Variants in CACNA2D3 observed in about 807,000 individuals in gnomAD.
CACNA2D3 encodes the protein voltage-dependent calcium channel subunit alpha-2/delta-3.
CACNA2D3 carries 60 observed loss-of-function variants against 160.6 expected under a neutral mutation model. The observed-to-expected ratio is 0.37, with a 90% CI of 0.30 to 0.46. The LOEUF is 0.46. Among genes scored for constraint, CACNA2D3 ranks in the 20% least tolerant of loss-of-function variants. The pLI, the probability that CACNA2D3 is intolerant of heterozygous loss-of-function variation, is 1.00. For missense variants in CACNA2D3, 1,205 were observed against 1,365.0 expected, an observed-to-expected ratio of 0.88 and a Z score of 1.85; for synonymous variants, 558 against 492.9, an observed-to-expected ratio of 1.13 and a Z score of -1.75.
At chr3:54,359,298 C>A (rs774988227) in intron 3 of CACNA2D3, among the ~76,000 whole-genome samples, 8 of 152,116 alleles carry the variant, frequency 5.3e-5, no homozygotes, top group Non-Finnish European at 8.8e-5. Context: ...AAACAAAGGT[C>A]TGGGAGATAA....
intron 9 of CACNA2D3, among the ~76,000 whole-genome samples, chr3:54,624,514 C>G (rs1202699274): frequency 6.6e-6 from 1 of 152,056 alleles, no homozygotes; most frequent in Non-Finnish European, 1.5e-5. Context: ...CCCAGCTACT[C>G]TGGAGGCTGA....
At chr3:54,564,119 G>A (rs1220416924) in intron 6 of CACNA2D3, among the ~76,000 whole-genome samples, 2 of 152,188 alleles carry the variant, frequency 1.3e-5, no homozygotes, top group Non-Finnish European at 2.9e-5. Flanking sequence ...GAGCCTAGGG[G>A]AGAGGTTCCT....
intron 4 of CACNA2D3, among the ~76,000 whole-genome samples, chr3:54,412,567 T>C (rs1300351592): frequency 6.6e-6 from 1 of 151,108 alleles, no homozygotes; most frequent in Non-Finnish European, 1.5e-5. Context: ...GTATCTTTTT[T>C]CTGTACCTTT....
intron 8 of CACNA2D3, among the ~76,000 whole-genome samples, chr3:54,576,121 C>G (rs538935414): frequency 2.0e-5 from 3 of 152,174 alleles, no homozygotes; most frequent in Admixed American, 6.5e-5. Context: ...CGAAGCCGGT[C>G]CCTGCTTAGA....
chr3:54,785,210 T>C (rs1702613400), intron 13 of CACNA2D3, among the ~76,000 whole-genome samples: 1 of 152,208 alleles, frequency 6.6e-6, no homozygotes, highest in Non-Finnish European at 1.5e-5. Context: ...CTGCCAAATG[T>C]TCAATAGGTT....
chr3:54,287,350 G>A (rs1703059142), intron 2 of CACNA2D3, among the ~76,000 whole-genome samples: 1 of 152,038 alleles, frequency 6.6e-6, no homozygotes, highest in South Asian at 2.1e-4. Flanking sequence ...TAATGGTAAA[G>A]GGATCAATTC....
At chr3:54,576,724 G>A (rs1182151879) in intron 8 of CACNA2D3, among the ~76,000 whole-genome samples, 3 of 152,126 alleles carry the variant, frequency 2.0e-5, no homozygotes, top group African/African-American at 7.2e-5. Context: ...TCACAAATAA[G>A]CACTATTTGT....
intron 5 of CACNA2D3, among the ~76,000 whole-genome samples, chr3:54,532,529 A>G (rs1701821413): frequency 6.6e-6 from 1 of 152,164 alleles, no homozygotes; most frequent in South Asian, 2.1e-4. Context: ...TTTAGCTATC[A>G]TTTGTAAATG....
intron 4 of CACNA2D3, among the ~76,000 whole-genome samples, chr3:54,474,585 G>A (rs1231168866): frequency 6.6e-6 from 1 of 151,950 alleles, no homozygotes; most frequent in Non-Finnish European, 1.5e-5. Flanking sequence ...CACCTGGCAT[G>A]CAAGTACTTA....
chr3:54,459,841 C>T (rs938838379), intron 4 of CACNA2D3, among the ~76,000 whole-genome samples: 2 of 152,084 alleles, frequency 1.3e-5, no homozygotes, highest in African/African-American at 4.8e-5. Flanking sequence ...ACATGAAGTC[C>T]TTGCCCATGC....
intron 27 of CACNA2D3, among the ~76,000 whole-genome samples, chr3:54,916,688 C>A (rs1010393003): frequency 6.6e-6 from 1 of 152,116 alleles, no homozygotes; most frequent in Non-Finnish European, 1.5e-5. Flanking sequence ...CCGTGTGAGA[C>A]CTGCACAGTA....
At chr3:55,041,550 A>G (rs1703960610) in intron 35 of CACNA2D3, among the ~76,000 whole-genome samples, 1 of 152,192 alleles carries the variant, frequency 6.6e-6, no homozygotes, top group Non-Finnish European at 1.5e-5. Context: ...TGTGTTAGAA[A>G]TAATTCTTTA....
Position 54,466,885 on chromosome 3 carries a change from A to G in CACNA2D3, c.382-36607A>G, listed in dbSNP as rs138324965. Among the ~76,000 whole-genome samples, 1,151 of 152,294 alleles carry G rather than the reference A, an allele frequency of 7.6e-3. 11 individuals are homozygous for G. The highest frequency in any genetic ancestry group is 0.025 in the African/African-American group (1,045 of 41,558). On this transcript the variant is annotated intron_variant, in intron 4 of 37. Coordinates refer to ENST00000474759, the MANE Select transcript of CACNA2D3 (RefSeq NM_018398.3). Reference sequence around the variant, plus strand: ...GTTTGCTTCATCATTTTGTGGTGTTATCTTTGGGTTGAGAAACAAAGATCA... The same window carrying G: ...GTTTGCTTCATCATTTTGTGGTGTTGTCTTTGGGTTGAGAAACAAAGATCA...
At chr3:54,755,390 T>G (rs1308740880) in intron 12 of CACNA2D3, among the ~76,000 whole-genome samples, 3 of 152,162 alleles carry the variant, frequency 2.0e-5, no homozygotes, top group Non-Finnish European at 4.4e-5. Flanking sequence ...CACCCATCTT[T>G]CCCTTTGCTT....
intron 4 of CACNA2D3, among the ~76,000 whole-genome samples, chr3:54,495,560 C>T (rs900531408): frequency 4.6e-5 from 7 of 152,022 alleles, no homozygotes; most frequent in African/African-American, 1.5e-4. Flanking sequence ...ACCAGCCTAG[C>T]CAATATGGTG....
At chr3:54,151,959 T>C (rs934416163) in intron 2 of CACNA2D3, among the ~76,000 whole-genome samples, 1 of 152,224 alleles carries the variant, frequency 6.6e-6, no homozygotes, top group African/African-American at 2.4e-5. Flanking sequence ...TCAAGCACCT[T>C]TGCAGGTCCT....
intron 4 of CACNA2D3, among the ~76,000 whole-genome samples, chr3:54,492,418 G>A (rs1701124835): frequency 6.6e-6 from 1 of 152,162 alleles, no homozygotes; most frequent in Non-Finnish European, 1.5e-5. Flanking sequence ...GCAACGATAG[G>A]ACCATGGCCT....
At chr3:54,178,771 T>C (rs1187888357) in intron 2 of CACNA2D3, among the ~76,000 whole-genome samples, 1 of 152,058 alleles carries the variant, frequency 6.6e-6, no homozygotes, top group Non-Finnish European at 1.5e-5. Flanking sequence ...TAAATAAGGA[T>C]GAAATGGGAT....
chr3:55,050,114 A>G (rs1176305335), intron 35 of CACNA2D3, among the ~76,000 whole-genome samples: 1 of 151,126 alleles, frequency 6.6e-6, no homozygotes, highest in African/African-American at 2.4e-5. Context: ...TTTAAAGTTA[A>G]TATTGTTATG....
Sources: gnomAD v4.1 joint callset for allele counts (sites outside exome capture counted in the v4.1 genomes callset) on GRCh38, gnomAD v4.1.1 for gene constraint, MANE v1.5 for transcripts, NCBI Gene and HGNC (gene_info 2026-07-23, HGNC 2026-07-21) for gene names.